The following KATNIP variants were observed in gnomAD, a reference collection of about 807,000 sequenced individuals.
KATNIP encodes the protein katanin interacting protein.
A neutral mutation model predicts 174.0 loss-of-function variants in KATNIP; 126 were observed. The ratio of observed to expected loss-of-function variants is 0.72; its 90% CI spans 0.63 to 0.84. KATNIP has a LOEUF of 0.84. Among genes scored for constraint, KATNIP ranks in the 40% least tolerant of loss-of-function variants. The pLI is 0.00. For missense variants in KATNIP, 1,958 were observed against 2,109.7 expected (o/e 0.93, Z 1.41); for synonymous variants, 810 against 835.7 (o/e 0.97, Z 0.53).
chr16:27,689,419 A>G (rs1360138496), intron 8 of KATNIP, among the ~76,000 whole-genome samples: 2 of 152,182 alleles, frequency 1.3e-5, no homozygotes, highest in Non-Finnish European at 2.9e-5. Context: ...TAAAAAAAAA[A>G]AAAAGTCAAC....
intron 14 of KATNIP, 78 bp downstream of exon 14, chr16:27,721,773 T>A: frequency 6.5e-7 from 1 of 1,528,254 alleles, no homozygotes; most frequent in Non-Finnish European, 8.9e-7. Context: ...GCCTGATTCC[T>A]AAAGTTGCAA....
At chr16:27,632,467 G>A (rs2076518966) in intron 5 of KATNIP, 2 of 392,058 alleles carry the variant, frequency 5.1e-6, no homozygotes, top group Admixed American at 2.7e-5. Context: ...CCTCTCCATG[G>A]ATCCCATCGT....
At chr16:27,699,391 A>G in intron 9 of KATNIP, 143 bp from the exon 10 acceptor site, 3 of 1,419,436 alleles carry the variant, frequency 2.1e-6, no homozygotes, top group Non-Finnish European at 2.8e-6. Flanking sequence ...CTGTGTTCCC[A>G]GACCTCTGAC....
chr16:27,645,155 C>T (rs1253728667), intron 5 of KATNIP, among the ~76,000 whole-genome samples: 1 of 152,128 alleles, frequency 6.6e-6, no homozygotes, highest in Non-Finnish European at 1.5e-5. Flanking sequence ...GGGGCTATGC[C>T]GAATGAAACA....
chr16:27,768,032 C>T (rs1262961858), intron 20 of KATNIP, among the ~76,000 whole-genome samples: 1 of 152,156 alleles, frequency 6.6e-6, no homozygotes, highest in African/African-American at 2.4e-5. Context: ...GGCTGAGTTC[C>T]CATCTCACAG....
At chr16:27,572,575 CAA>C (rs2090348371) in intron 1 of KATNIP, among the ~76,000 whole-genome samples, 1 of 152,130 alleles carries the variant, frequency 6.6e-6, no homozygotes, top group Admixed American at 6.6e-5. Context: ...GAACCAATTC[CAA>C]ATTCCTGGGA....
At chr16:27,697,689 T>C (rs1014538300) in intron 8 of KATNIP, among the ~76,000 whole-genome samples, 1 of 152,048 alleles carries the variant, frequency 6.6e-6, no homozygotes, top group African/African-American at 2.4e-5. Flanking sequence ...TAAATTAAAT[T>C]ATATAACTGC....
At chr16:27,763,635 A>AAAAG (rs1173136140) in intron 19 of KATNIP, among the ~76,000 whole-genome samples, 2 of 151,186 alleles carry the variant, frequency 1.3e-5, no homozygotes, top group African/African-American at 2.4e-5. Context: ...AAAAAAAAAA[A>AAAAG]AAAGAAAGAA....
At chr16:27,725,901 C>T (rs1189448202) in intron 14 of KATNIP, among the ~76,000 whole-genome samples, 8 of 152,164 alleles carry the variant, frequency 5.3e-5, no homozygotes, top group Non-Finnish European at 7.4e-5. Context: ...GAAAGGCACT[C>T]GTTAAATTGT....
intron 11 of KATNIP, among the ~76,000 whole-genome samples, chr16:27,703,473 C>T (rs189223444): frequency 2.0e-5 from 3 of 152,302 alleles, no homozygotes; most frequent in East Asian, 3.9e-4. Flanking sequence ...ATATGCTTTG[C>T]GGTTGGTTTT....
chr16:27,611,558 T>G (rs1416365128), intron 2 of KATNIP, among the ~76,000 whole-genome samples: 1 of 152,246 alleles, frequency 6.6e-6, no homozygotes, highest in African/African-American at 2.4e-5. Flanking sequence ...GGCGAAACTC[T>G]GTCTCCTTCC....
chr16:27,681,286 T>C, intron 7 of KATNIP, 113 bp from the exon 8 acceptor site: 1 of 1,370,704 alleles, frequency 7.3e-7, no homozygotes, highest in Non-Finnish European at 1.0e-6. Flanking sequence ...CACAAAGTAG[T>C]TCCGTAGACA....
At chr16:27,568,328 G>A (rs1188707221) in intron 1 of KATNIP, among the ~76,000 whole-genome samples, 1 of 152,206 alleles carries the variant, frequency 6.6e-6, no homozygotes, top group Non-Finnish European at 1.5e-5. Flanking sequence ...AATACCTTGA[G>A]CATATGTTTG....
rs534016711 is a variant in KATNIP, at chr16:27,702,559, A to G, written c.1286+864A>G. 2.0e-5 allele frequency among the ~76,000 whole-genome samples: 3 copies of G among 152,284 alleles called. No individual in the cohort carries two copies. The East Asian group carries it at 5.8e-4, about 29-fold the overall frequency. ...AGCTGTGCATGTTGTGCACTGTGCA[A>G]AGTGCCTGGCTGAGAGGCGAGAAGG... On this transcript the variant is annotated intron_variant, in intron 11 of 27. Transcript: ENST00000261588.
At chr16:27,721,074 C>G (rs1456232395) in intron 13 of KATNIP, among the ~76,000 whole-genome samples, 1 of 152,162 alleles carries the variant, frequency 6.6e-6, no homozygotes, top group East Asian at 1.9e-4. Context: ...GGCTCAGTGC[C>G]CTGGCCCTGG....
At chr16:27,685,730 T>C (rs957036974) in intron 8 of KATNIP, among the ~76,000 whole-genome samples, 1 of 152,214 alleles carries the variant, frequency 6.6e-6, no homozygotes, top group Non-Finnish European at 1.5e-5. Context: ...TACTTGGCTC[T>C]AACATAAGTC....
intron 5 of KATNIP, among the ~76,000 whole-genome samples, chr16:27,633,806 A>G (rs1441288834): frequency 6.6e-6 from 1 of 152,218 alleles, no homozygotes; most frequent in Non-Finnish European, 1.5e-5. Context: ...TTGCATAGCT[A>G]CTAAGGAAGA....
chr16:27,567,499 C>T (rs576979549), intron 1 of KATNIP, among the ~76,000 whole-genome samples: 1 of 151,968 alleles, frequency 6.6e-6, no homozygotes, highest in East Asian at 1.9e-4. Context: ...GGTAGCACAC[C>T]CTTGTGTTTT....
chr16:27,601,906 T>G (rs966945680), intron 2 of KATNIP, among the ~76,000 whole-genome samples: 1 of 151,816 alleles, frequency 6.6e-6, no homozygotes, highest in Non-Finnish European at 1.5e-5. Flanking sequence ...TGTTGGGAGG[T>G]CCATTTCATT....
Sources: allele counts gnomAD v4.1 joint callset (sites outside exome capture counted in the v4.1 genomes callset), GRCh38; gene constraint gnomAD v4.1.1; transcripts MANE v1.5; gene names NCBI Gene and HGNC (gene_info 2026-07-23, HGNC 2026-07-21).